TLDC2: variants seen among roughly 807,000 people sequenced by gnomAD.
TLDC2 encodes the protein TBC/LysM-associated domain containing 2, also known as TLD domain-containing protein 2.
In TLDC2, 23 loss-of-function variants were observed where a neutral mutation model predicts 27.9. That is an observed-to-expected ratio of 0.82 (90% CI 0.59 to 1.17). TLDC2 has a LOEUF of 1.17. Among genes scored for constraint, TLDC2 ranks in the 50% most tolerant of loss-of-function variants. The pLI is 0.00. For synonymous variants in TLDC2, 124 were observed against 107.4 expected (o/e 1.16, Z -0.96); for missense variants, 286 against 273.4 (o/e 1.05, Z -0.32).
Position 36,893,030 on chromosome 20 carries a change from T to A in TLDC2, c.*186T>A. ...GAAGTACTGTCGTTCCATTCCTTTT[T>A]TTGAGGTGTTATGAGTGGGGCTATA... On this transcript the variant is annotated 3_prime_UTR_variant, in exon 7 of 7. Transcript: ENST00000217320. The A allele has an allele frequency of 6.2e-7, 1 of 1,614,006 alleles. No individual in the cohort carries two copies. The highest frequency in any genetic ancestry group is 8.5e-7 in the Non-Finnish European group (1 of 1,180,028).
intron 2 of TLDC2, 66 bp from the exon 3 acceptor site, chr20:36,878,975 C>A: frequency 1.2e-6 from 2 of 1,612,590 alleles, no homozygotes; most frequent in East Asian, 4.5e-5. Context: ...TGTCCAAGCC[C>A]ACCCCCAGGA....
At chr20:36,881,908 C>A (rs1273617478) in intron 4 of TLDC2, among the ~76,000 whole-genome samples, 1 of 152,182 alleles carries the variant, frequency 6.6e-6, no homozygotes, top group East Asian at 1.9e-4. Context: ...CCTGCCATCC[C>A]TGGTGAGGAC....
chr20:36,892,861 G>T lies in TLDC2; in HGVS notation c.*18-1G>T, dbSNP rs138927042. 7,332 of 1,584,406 alleles carry T rather than the reference G, an allele frequency of 4.6e-3. 47 individuals carry two copies. The highest frequency in any genetic ancestry group is 0.021 in the South Asian group (1,939 of 90,496). On this transcript the variant is annotated splice_acceptor_variant, in intron 6 of 6. Coordinates refer to ENST00000217320, the MANE Select transcript of TLDC2 (RefSeq NM_080628.3). LOFTEE classifies it low-confidence loss of function (3UTR_SPLICE). ...AAGCATGAGTTGTCATTAATTTGCA[G>T]AATTCTATGATTGAAGCCTCTAAAT...
chr20:36,879,025 C>A lies in TLDC2; in HGVS notation c.190-16C>A. On this transcript the variant is annotated splice_polypyrimidine_tract_variant and intron_variant, in intron 2 of 6. Coordinates refer to ENST00000217320, the MANE Select transcript of TLDC2 (RefSeq NM_080628.3). ...GCGAGGAGAACTCCTCCATTCACCT[C>A]CAACCCTGTCCCCAGCTCAGCTTTC... 1 of 1,614,186 alleles carries A rather than the reference C, an allele frequency of 6.2e-7. No homozygotes were observed. Among genetic ancestry groups the A allele is most frequent in the Non-Finnish European group, 8.5e-7 (1 of 1,180,018 alleles).
chr20:36,876,168 C>G lies in TLDC2; in HGVS notation c.-7C>G, dbSNP rs1307761349. The G allele has an allele frequency of 1.2e-6, 2 of 1,614,162 alleles. No homozygotes were observed. Among genetic ancestry groups the G allele is most frequent in the Non-Finnish European group, 1.7e-6 (2 of 1,180,002 alleles). ...CTGCCCACGGCCGGCTGAGCAGGGA[C>G]AGGAGAATGAGAGGCCTCCGCTGGC... On this transcript the variant is annotated 5_prime_UTR_variant, in exon 1 of 7. Coordinates refer to ENST00000217320, the MANE Select transcript of TLDC2 (RefSeq NM_080628.3).
rs778213140 is a variant in TLDC2 at position 36,876,187 on chromosome 20, C to G, written c.13C>G (p.Arg5Gly). ...CAGGGACAGGAGAATGAGAGGCCTC[C>G]GCTGGCGTTACACTCGGCTGGTAAG... MRGL[R>G]WRYTRLPSQV... The change falls in exon 1 of 7, where the codon CGC (arginine) becomes GGC (glycine). Residue 5 changes from arginine (R) to glycine (G), a missense_variant. By Grantham distance (125) the Arg-to-Gly change is moderately radical (BLOSUM62 -2). Transcript: ENST00000217320. The G allele has an allele frequency of 1.1e-5, 17 of 1,614,026 alleles. No individual in the cohort carries two copies. The highest frequency in any genetic ancestry group is 1.4e-5 in the Non-Finnish European group (17 of 1,180,010).
At chr20:36,882,333 A>G (rs1223136133) in intron 4 of TLDC2, among the ~76,000 whole-genome samples, 1 of 152,162 alleles carries the variant, frequency 6.6e-6, no homozygotes, top group Non-Finnish European at 1.5e-5. Flanking sequence ...GCTTGAGCCC[A>G]GGAGTTCAAG....
intron 4 of TLDC2, 121 bp from the exon 5 acceptor site, chr20:36,887,334 G>C: frequency 1.2e-6 from 1 of 849,000 alleles, no homozygotes. Context: ...CCCACCTGCG[G>C]CTCGGTTGGG....
chr20:36,880,078 T>C (rs1323353648), intron 3 of TLDC2, among the ~76,000 whole-genome samples: 21 of 40,610 alleles, frequency 5.2e-4, no homozygotes, highest in African/African-American at 1.3e-3. Context: ...TACATATATA[T>C]ATATATATAT....
chr20:36,879,208 G>A lies in TLDC2; in HGVS notation c.342+15G>A. On this transcript the variant is annotated intron_variant, in intron 3 of 6. Transcript: ENST00000217320. The stretch of plus-strand genomic sequence containing the variant: ...AGGACGGGCAGGTGAGCTGGGCAGG[G>A]GCACCACCCGAGGCTCTGGGGGCAC... 1 of 1,607,924 alleles carries A rather than the reference G, an allele frequency of 6.2e-7. No homozygotes were observed. The highest frequency in any genetic ancestry group is 8.5e-7 in the Non-Finnish European group (1 of 1,177,986).
At chr20:36,889,549 G>A in intron 6 of TLDC2, 146 bp downstream of exon 6, 1 of 972,032 alleles carries the variant, frequency 1.0e-6, no homozygotes, top group Non-Finnish European at 1.5e-6. Context: ...GATACAGGTG[G>A]GGGCAGGCAC....
intron 2 of TLDC2, 54 bp downstream of exon 2, chr20:36,878,108 C>T (rs1989717155): frequency 6.4e-7 from 1 of 1,558,394 alleles, no homozygotes; most frequent in Non-Finnish European, 8.7e-7. Context: ...AAGAGTCTCA[C>T]CCTCCTGCCC....
chr20:36,883,280 G>A (rs1431087251), intron 4 of TLDC2, among the ~76,000 whole-genome samples: 2 of 151,968 alleles, frequency 1.3e-5, no homozygotes, highest in Non-Finnish European at 2.9e-5. Flanking sequence ...GGGACTCCAG[G>A]CACATGCCAC....
chr20:36,885,904 T>C (rs1989911360), intron 4 of TLDC2, among the ~76,000 whole-genome samples: 2 of 152,074 alleles, frequency 1.3e-5, no homozygotes, highest in Admixed American at 1.3e-4. Flanking sequence ...GATAGGGTGG[T>C]CCAGGAAATT....
rs1229193584 is a variant in TLDC2, at chr20:36,893,366, ACT to A, written c.*525_*526del. On this transcript the variant is annotated 3_prime_UTR_variant, in exon 7 of 7. Coordinates refer to ENST00000217320, the MANE Select transcript of TLDC2 (RefSeq NM_080628.3). ...CTTCACACACCTTCACGGAGCACAA[ACT>A]CTGTCCTGTTTTCCCAGGAGAAAGA... The A allele has an allele frequency of 4.5e-6, 2 of 446,322 alleles. No homozygotes were observed. Among genetic ancestry groups the A allele is most frequent in the Non-Finnish European group, 8.1e-6 (2 of 245,444 alleles). The allele number at this position is 446,322 out of a possible 1,614,324, so 27.6% of individuals were successfully genotyped here.
At chr20:36,876,724 C>A (rs773360022) in intron 1 of TLDC2, among the ~76,000 whole-genome samples, 1 of 151,888 alleles carries the variant, frequency 6.6e-6, no homozygotes, top group Non-Finnish European at 1.5e-5. Flanking sequence ...AATGCACTCA[C>A]ACACTCAAAC....
chr20:36,880,071 A>ATATATATATATATATATGTG, intron 3 of TLDC2, among the ~76,000 whole-genome samples: 1 of 32,404 alleles, frequency 3.1e-5, no homozygotes, highest in Non-Finnish European at 5.1e-5. Context: ...ATATATATAC[A>ATATATATATATATATATGTG]TATATATATA....
intron 4 of TLDC2, among the ~76,000 whole-genome samples, chr20:36,884,346 C>A (rs1053896070): frequency 6.6e-6 from 1 of 152,182 alleles, no homozygotes; most frequent in African/African-American, 2.4e-5. Flanking sequence ...GGCCTTTGCA[C>A]GTGCTATTCT....
chr20:36,881,208 C>G (rs1034923473), intron 4 of TLDC2, among the ~76,000 whole-genome samples: 1 of 152,022 alleles, frequency 6.6e-6, no homozygotes, highest in African/African-American at 2.4e-5. Flanking sequence ...GTGAGACCCC[C>G]ATCTCTACAA....
Sources: gnomAD v4.1 joint callset for allele counts (sites outside exome capture counted in the v4.1 genomes callset) on GRCh38, gnomAD v4.1.1 for gene constraint, MANE v1.5 for transcripts, NCBI Gene and HGNC (gene_info 2026-07-23, HGNC 2026-07-21) for gene names.